CTBP2: variants seen among roughly 807,000 people sequenced by gnomAD.
The protein encoded by CTBP2 is C-terminal binding protein 2.
CTBP2 carries 30 observed loss-of-function variants against 80.3 expected under a neutral mutation model. The observed-to-expected ratio is 0.37, with a 90% CI of 0.28 to 0.51. CTBP2 has a LOEUF of 0.51. Among genes scored for constraint, CTBP2 ranks in the 20% least tolerant of loss-of-function variants. The probability of loss-of-function intolerance (pLI) is 0.93; values close to 1 mark genes in which losing one functional copy is unlikely to be tolerated. For synonymous variants in CTBP2, 594 were observed against 587.4 expected, an observed-to-expected ratio of 1.01 and a Z score of -0.16; for missense variants, 1,212 against 1,375.3, an observed-to-expected ratio of 0.88 and a Z score of 1.88.
At chr10:125,047,561 A>T (rs1264823998) in intron 2 of CTBP2, among the ~76,000 whole-genome samples, 1 of 152,260 alleles carries the variant, frequency 6.6e-6, no homozygotes, top group Non-Finnish European at 1.5e-5. Flanking sequence ...AAGGGTTTTG[A>T]ACTTGAGGAC....
rs1468277498 is a variant in CTBP2, at chr10:124,986,990, A to C, written c.*2528T>G. Reference sequence around the variant, plus strand: ...ATTATTTATTTATTTATTATCAATCAGTGACCCTGACCACATAGTGTGATA... The same window carrying C: ...ATTATTTATTTATTTATTATCAATCCGTGACCCTGACCACATAGTGTGATA... On this transcript the variant is annotated 3_prime_UTR_variant, in exon 9 of 9. Coordinates refer to ENST00000309035, the MANE Select transcript of CTBP2 (RefSeq NM_022802.3). The C allele has an allele frequency of 6.6e-6, 1 of 152,514 alleles. No homozygotes were observed. Among genetic ancestry groups the C allele is most frequent in the East Asian group, 1.9e-4 (1 of 5,192 alleles). The allele number at this position is 152,514 out of a possible 1,614,324, so 9.4% of individuals were successfully genotyped here. A position where few individuals can be genotyped will look rare whatever the true frequency, so the allele number is the denominator to read the frequency against.
chr10:124,985,213 AATTTT>A lies in CTBP2; in HGVS notation c.*4300_*4304del, dbSNP rs1952006562. 2.2e-6 allele frequency: 1 copy of A among 459,670 alleles called. No homozygotes were observed. The highest frequency in any genetic ancestry group is 3.8e-6 in the Non-Finnish European group (1 of 260,548). The allele number at this position is 459,670 out of a possible 1,614,324, so 28.5% of individuals were successfully genotyped here. A position where few individuals can be genotyped will look rare whatever the true frequency, so the allele number is the denominator to read the frequency against. Reference sequence around the variant, plus strand: ...TGGACTACAGTTTGTAAAAAAAACTAATTTTATTAAGACAGAACTTTTTTTCCTTC... The same window carrying A: ...TGGACTACAGTTTGTAAAAAAAACTAATTAAGACAGAACTTTTTTTCCTTC... On this transcript the variant is annotated 3_prime_UTR_variant, in exon 9 of 9. Coordinates refer to ENST00000309035, the MANE Select transcript of CTBP2 (RefSeq NM_022802.3).
rs374377292 is a variant in CTBP2 at position 124,993,850 on chromosome 10, C to T, written c.2531+5G>A. The T allele has an allele frequency of 8.1e-6, 13 of 1,609,486 alleles. No individual in the cohort carries two copies. Among genetic ancestry groups the T allele is most frequent in the African/African-American group, 1.3e-5 (1 of 74,810 alleles). ...CTCCTGGTAGGCGGCTGGGGCAACACGCACCTGAAGGGCTCTGACTCATGC... is the reference window on the plus strand; with the variant it reads ...CTCCTGGTAGGCGGCTGGGGCAACATGCACCTGAAGGGCTCTGACTCATGC... On this transcript the variant is annotated splice_donor_5th_base_variant and intron_variant, in intron 6 of 8. Coordinates refer to ENST00000309035, the MANE Select transcript of CTBP2 (RefSeq NM_022802.3).
chr10:125,025,997 C>T, intron 1 of CTBP2: 1 of 1,493,930 alleles, frequency 6.7e-7, no homozygotes, highest in Non-Finnish European at 9.0e-7. Context: ...TGAGGACTTG[C>T]CATCCTATGT....
chr10:125,003,497 C>A lies in CTBP2; in HGVS notation c.1679-5G>T, dbSNP rs750600. 0.084 allele frequency: 130,635 copies of A among 1,552,180 alleles called. 6,181 individuals carry two copies. Among genetic ancestry groups the A allele is most frequent in the Admixed American group, 0.14 (6,450 of 46,284 alleles). ...TCATGATCTGGGGGCGGATACCTGC[C>A]AGGAGGGAAGGGGTGAGCACAGTGG... is the stretch of plus-strand genomic sequence containing the variant. On this transcript the variant is annotated splice_region_variant and splice_polypyrimidine_tract_variant and intron_variant, in intron 1 of 8. Transcript: ENST00000309035.
intron 2 of CTBP2, among the ~76,000 whole-genome samples, chr10:125,091,835 GA>G (rs200772881): frequency 4.6e-5 from 7 of 151,164 alleles, no homozygotes; most frequent in African/African-American, 1.2e-4. Context: ...AGTGGGTATG[GA>G]AAAAAAAATC....
At chr10:125,151,353 G>C (rs1283977989) in intron 1 of CTBP2, among the ~76,000 whole-genome samples, 2 of 152,180 alleles carry the variant, frequency 1.3e-5, no homozygotes, top group Non-Finnish European at 2.9e-5. Context: ...CGCAGCAGAG[G>C]CGCGCAAATG....
chr10:125,054,021 G>A (rs114486534), intron 2 of CTBP2, among the ~76,000 whole-genome samples: 2,050 of 152,142 alleles, frequency 0.013, 44 homozygotes, highest in African/African-American at 0.046. Flanking sequence ...TGACACAGGC[G>A]TGCCCACAAA....
At chr10:125,072,577 C>A (rs1396343525) in intron 2 of CTBP2, among the ~76,000 whole-genome samples, 1 of 146,294 alleles carries the variant, frequency 6.8e-6, no homozygotes, top group African/African-American at 2.6e-5. Flanking sequence ...GATTGCACCA[C>A]TGCACTCCAG....
intron 1 of CTBP2, among the ~76,000 whole-genome samples, chr10:125,126,268 C>T (rs906530063): frequency 2.0e-5 from 3 of 152,192 alleles, no homozygotes; most frequent in Admixed American, 6.5e-5. Context: ...CCTAGCAAGA[C>T]GCTGTGATTC....
At chr10:125,141,658 G>A (rs188900324) in intron 1 of CTBP2, among the ~76,000 whole-genome samples, 3 of 152,094 alleles carry the variant, frequency 2.0e-5, no homozygotes, top group East Asian at 1.9e-4. Flanking sequence ...CAAGTACATG[G>A]CAAATACACA....
intron 1 of CTBP2, among the ~76,000 whole-genome samples, chr10:125,020,486 G>A (rs950675811): frequency 1.3e-5 from 2 of 152,328 alleles, no homozygotes; most frequent in East Asian, 1.9e-4. Context: ...CAGTCAACGC[G>A]GGCCTTGTGG....
intron 1 of CTBP2, among the ~76,000 whole-genome samples, chr10:125,147,415 C>T (rs1022284855): frequency 2.0e-5 from 3 of 152,138 alleles, no homozygotes; most frequent in African/African-American, 7.2e-5. Context: ...TTTTACTGAG[C>T]GTTTCTTGGA....
intron 1 of CTBP2, among the ~76,000 whole-genome samples, chr10:125,113,873 G>C (rs912312757): frequency 6.6e-6 from 1 of 152,184 alleles, no homozygotes; most frequent in African/African-American, 2.4e-5. Flanking sequence ...CTGTCCCAGT[G>C]AACGGCGACA....
rs1449075590 is a variant in CTBP2 at position 124,989,147 on chromosome 10, T to G, written c.*371A>C. The G allele has an allele frequency of 9.1e-6, 2 of 219,100 alleles. No homozygotes were observed. The highest frequency in any genetic ancestry group is 4.8e-5 in the African/African-American group (2 of 42,068). The allele number at this position is 219,100 out of a possible 1,614,324, so 13.6% of individuals were successfully genotyped here. On this transcript the variant is annotated 3_prime_UTR_variant, in exon 9 of 9. Coordinates refer to ENST00000309035, the MANE Select transcript of CTBP2 (RefSeq NM_022802.3). ...CAGGATGGGGATTTCCTCTTAATATTTTTTATTTTGTTGTTTGAACTCTTG... is the reference window on the plus strand; with the variant it reads ...CAGGATGGGGATTTCCTCTTAATATGTTTTATTTTGTTGTTTGAACTCTTG...
At chr10:125,131,576 G>A (rs75031371) in intron 1 of CTBP2, among the ~76,000 whole-genome samples, 2 of 152,096 alleles carry the variant, frequency 1.3e-5, no homozygotes, top group Non-Finnish European at 2.9e-5. Flanking sequence ...GGGCAGCGGC[G>A]GGTTGGAACT....
chr10:125,126,943 TCTCTCTA>T (rs1159084593), intron 1 of CTBP2, among the ~76,000 whole-genome samples: 2 of 151,982 alleles, frequency 1.3e-5, no homozygotes, highest in Non-Finnish European at 2.9e-5. Flanking sequence ...TCTCTCTCTC[TCTCTCTA>T]CTCTACTCTG....
At chr10:125,004,672 A>G (rs145734921) in intron 1 of CTBP2, among the ~76,000 whole-genome samples, 29 of 152,230 alleles carry the variant, frequency 1.9e-4, no homozygotes, top group African/African-American at 6.7e-4. Context: ...AACTTTTCAG[A>G]TATCCAGATC....
intron 2 of CTBP2, among the ~76,000 whole-genome samples, chr10:125,052,130 G>C (rs1962927782): frequency 1.3e-5 from 2 of 152,338 alleles, no homozygotes; most frequent in Admixed American, 1.3e-4. Context: ...GTGGGGGTCT[G>C]CGCTGCTGAG....
Sources: gnomAD v4.1 joint callset for allele counts (sites outside exome capture counted in the v4.1 genomes callset) on GRCh38, gnomAD v4.1.1 for gene constraint, MANE v1.5 for transcripts, NCBI Gene and HGNC (gene_info 2026-07-23, HGNC 2026-07-21) for gene names.